The following DLGAP2 variants were observed in gnomAD, a reference collection of about 807,000 sequenced individuals.
DLGAP2 encodes DLG associated protein 2.
DLGAP2 carries 26 observed loss-of-function variants against 100.3 expected under a neutral mutation model. The ratio of observed to expected loss-of-function variants is 0.26; its 90% CI spans 0.19 to 0.36. DLGAP2 has a LOEUF of 0.36. Among genes scored for constraint, DLGAP2 ranks in the 10% least tolerant of loss-of-function variants. The probability of loss-of-function intolerance (pLI) is 1.00; values close to 1 mark genes in which losing one functional copy is unlikely to be tolerated. For synonymous variants in DLGAP2, 886 were observed against 630.1 expected, an observed-to-expected ratio of 1.41 and a Z score of -6.08; for missense variants, 1,858 against 1,453.2, an observed-to-expected ratio of 1.28 and a Z score of -4.53.
At chr8:1,649,712 A>G (rs1487896230) in intron 8 of DLGAP2, among the ~76,000 whole-genome samples, 1 of 152,230 alleles carries the variant, frequency 6.6e-6, no homozygotes, top group Non-Finnish European at 1.5e-5. Flanking sequence ...ATTTAATTAT[A>G]TTGGATTTAT....
chr8:1,239,517 C>A, intron 2 of DLGAP2, among the ~76,000 whole-genome samples: 1 of 103,326 alleles, frequency 9.7e-6, no homozygotes, highest in Middle Eastern at 4.9e-3. Flanking sequence ...GTCTAGTTCT[C>A]TCACATGGTG....
intron 6 of DLGAP2, among the ~76,000 whole-genome samples, chr8:1,595,680 A>AG (rs1197609599): frequency 6.1e-5 from 8 of 132,130 alleles, no homozygotes; most frequent in African/African-American, 2.4e-4. Context: ...TCTCAAAAAA[A>AG]AAAAAAAAAA....
intron 1 of DLGAP2, among the ~76,000 whole-genome samples, chr8:800,190 G>C (rs752184573): frequency 6.6e-6 from 1 of 152,188 alleles, no homozygotes; most frequent in Non-Finnish European, 1.5e-5. Flanking sequence ...TGTGGGTCCT[G>C]CCAGGCTCCA....
At chr8:1,277,125 A>G (rs960299124) in intron 3 of DLGAP2, among the ~76,000 whole-genome samples, 1 of 152,178 alleles carries the variant, frequency 6.6e-6, no homozygotes, top group East Asian at 1.9e-4. Flanking sequence ...ATGCTCATTC[A>G]TGATTATTTC....
chr8:1,097,589 T>C (rs1804423975), intron 2 of DLGAP2, among the ~76,000 whole-genome samples: 1 of 136,810 alleles, frequency 7.3e-6, no homozygotes, highest in Non-Finnish European at 1.6e-5. Context: ...TCACCCTCTG[T>C]GGCATGGAGA....
intron 2 of DLGAP2, among the ~76,000 whole-genome samples, chr8:1,074,087 TCACC>T (rs1803523304): frequency 7.4e-6 from 1 of 135,250 alleles, no homozygotes; most frequent in South Asian, 2.4e-4. Flanking sequence ...GAGGCTGAAC[TCACC>T]CAGGTACATA....
At chr8:1,215,144 G>A (rs778942480) in intron 2 of DLGAP2, among the ~76,000 whole-genome samples, 1 of 152,208 alleles carries the variant, frequency 6.6e-6, no homozygotes, top group Non-Finnish European at 1.5e-5. Flanking sequence ...ACAAAAGGGG[G>A]AGAATTGACA....
chr8:1,329,012 G>T (rs1801087422), intron 3 of DLGAP2, among the ~76,000 whole-genome samples: 1 of 152,242 alleles, frequency 6.6e-6, no homozygotes, highest in African/African-American at 2.4e-5. Context: ...TGCAGGCAGA[G>T]TCCACATGCT....
At chr8:841,388 T>C (rs533864001) in intron 1 of DLGAP2, among the ~76,000 whole-genome samples, 1 of 152,332 alleles carries the variant, frequency 6.6e-6, no homozygotes, top group South Asian at 2.1e-4. Context: ...GACACAACCC[T>C]GGCAGCCTTT....
At chr8:1,122,112 G>C (rs1427231653) in intron 2 of DLGAP2, among the ~76,000 whole-genome samples, 2 of 152,222 alleles carry the variant, frequency 1.3e-5, no homozygotes, top group Non-Finnish European at 2.9e-5. Flanking sequence ...CTTTGAGCCA[G>C]ATGTGGACTG....
chr8:1,522,148 C>T (rs1182794135), intron 4 of DLGAP2, among the ~76,000 whole-genome samples: 1 of 152,176 alleles, frequency 6.6e-6, no homozygotes, highest in African/African-American at 2.4e-5. Context: ...TGGTGTGGAG[C>T]ATCTTTGGTT....
chr8:921,076 C>T (rs1271176045), intron 2 of DLGAP2, among the ~76,000 whole-genome samples: 2 of 152,220 alleles, frequency 1.3e-5, no homozygotes, highest in African/African-American at 2.4e-5. Context: ...CAACTTGATG[C>T]AGATTTAATC....
intron 2 of DLGAP2, among the ~76,000 whole-genome samples, chr8:1,110,089 G>A (rs1179422329): frequency 4.2e-5 from 6 of 142,364 alleles, no homozygotes; most frequent in East Asian, 2.2e-4. Context: ...AGGTGTGCAC[G>A]GGTCTGTGAG....
At chr8:1,314,444 C>T (rs1199561807) in intron 3 of DLGAP2, among the ~76,000 whole-genome samples, 1 of 152,206 alleles carries the variant, frequency 6.6e-6, no homozygotes, top group African/African-American at 2.4e-5. Flanking sequence ...AAATTAATTA[C>T]ACTCTAGAGC....
At chr8:1,328,367 G>A (rs1423854258) in intron 3 of DLGAP2, among the ~76,000 whole-genome samples, 2 of 151,954 alleles carry the variant, frequency 1.3e-5, no homozygotes, top group Non-Finnish European at 2.9e-5. Flanking sequence ...CGCCCAGGCT[G>A]GAGTAGAGTG....
At chr8:740,523 A>G (rs1341580557) in intron 1 of DLGAP2, 2 of 152,152 alleles carry the variant, frequency 1.3e-5, no homozygotes, top group South Asian at 2.1e-4. Context: ...GTGTCTACTT[A>G]TTTCAGTTTT....
intron 5 of DLGAP2, among the ~76,000 whole-genome samples, chr8:1,561,757 G>C (rs868578780): frequency 1.2e-4 from 14 of 115,152 alleles, no homozygotes; most frequent in East Asian, 5.4e-4. Context: ...GTGTGGTGTT[G>C]GGGTGTCCGC....
intron 2 of DLGAP2, among the ~76,000 whole-genome samples, chr8:1,161,468 T>C (rs1796886832): frequency 6.6e-6 from 1 of 152,154 alleles, no homozygotes; most frequent in Admixed American, 6.5e-5. Flanking sequence ...TCTTGCAAAC[T>C]GGCCTAAGAG....
chr8:1,527,013 C>T (rs1037541367), intron 4 of DLGAP2, among the ~76,000 whole-genome samples: 3 of 152,108 alleles, frequency 2.0e-5, no homozygotes, highest in African/African-American at 4.8e-5. Context: ...GACTTCGCAT[C>T]GTCTACATTG....
Sources: gnomAD v4.1 joint callset for allele counts (sites outside exome capture counted in the v4.1 genomes callset) on GRCh38, gnomAD v4.1.1 for gene constraint, MANE v1.5 for transcripts, NCBI Gene and HGNC (gene_info 2026-07-23, HGNC 2026-07-21) for gene names.